The following FAM107B variants were observed in gnomAD, a reference collection of about 807,000 sequenced individuals.
FAM107B encodes protein FAM107B.
In FAM107B, 21 loss-of-function variants were observed where a neutral mutation model predicts 31.5. That is an observed-to-expected ratio of 0.67 (90% confidence interval 0.47 to 0.96). The LOEUF (loss-of-function observed/expected upper bound fraction) is 0.96, where lower values mean the gene tolerates loss of function less well. FAM107B is among the 40% of genes least tolerant of loss of function. FAM107B has a pLI of 0.00. For synonymous variants in FAM107B, 157 were observed against 141.5 expected, an observed-to-expected ratio of 1.11 and a Z score of -0.78; for missense variants, 452 against 377.1, an observed-to-expected ratio of 1.20 and a Z score of -1.64.
intron 1 of FAM107B, among the ~76,000 whole-genome samples, chr10:14,728,865 A>G (rs1401887052): frequency 1.3e-5 from 2 of 152,348 alleles, no homozygotes; most frequent in African/African-American, 4.8e-5. Flanking sequence ...CTTTAGATTC[A>G]GGCCTGATGG....
At chr10:14,616,222 A>G (rs1852846406) in intron 2 of FAM107B, among the ~76,000 whole-genome samples, 1 of 152,152 alleles carries the variant, frequency 6.6e-6, no homozygotes, top group African/African-American at 2.4e-5. Context: ...GGCATGTTGC[A>G]TGTTTGTTGG....
At chr10:14,657,673 TTC>T (rs1003262892) in intron 2 of FAM107B, among the ~76,000 whole-genome samples, 4 of 152,188 alleles carry the variant, frequency 2.6e-5, no homozygotes, top group Non-Finnish European at 5.9e-5. Context: ...TAGAAACATT[TTC>T]TCTTTGTTAA....
At chr10:14,633,559 T>G (rs1853421434) in intron 2 of FAM107B, among the ~76,000 whole-genome samples, 1 of 152,206 alleles carries the variant, frequency 6.6e-6, no homozygotes, top group South Asian at 2.1e-4. Flanking sequence ...ATATATTAAT[T>G]TATTGATGAA....
chr10:14,677,587 C>CCGCAG (rs1854719636), intron 1 of FAM107B, among the ~76,000 whole-genome samples: 1 of 152,024 alleles, frequency 6.6e-6, no homozygotes, highest in Non-Finnish European at 1.5e-5. Flanking sequence ...CGCCACTGCA[C>CCGCAG]TCCAGCCTGG....
chr10:14,533,789 C>T (rs1236335823), intron 2 of FAM107B, among the ~76,000 whole-genome samples: 1 of 152,160 alleles, frequency 6.6e-6, no homozygotes. Flanking sequence ...AGGAAACAGG[C>T]CCTAGCTTGG....
intron 1 of FAM107B, among the ~76,000 whole-genome samples, chr10:14,684,750 T>C (rs573514999): frequency 2.0e-5 from 3 of 152,344 alleles, no homozygotes; most frequent in African/African-American, 7.2e-5. Context: ...ACTTCAGATC[T>C]ACCTAGTACC....
At chr10:14,744,420 T>C (rs555396157) in intron 1 of FAM107B, among the ~76,000 whole-genome samples, 12 of 152,320 alleles carry the variant, frequency 7.9e-5, no homozygotes, top group Non-Finnish European at 1.8e-4. Context: ...ATCCTTGTCT[T>C]GGGCCAGTTT....
intron 2 of FAM107B, chr10:14,554,288 C>T: frequency 3.5e-6 from 1 of 286,940 alleles, no homozygotes; most frequent in Non-Finnish European, 5.2e-6. Flanking sequence ...AGAAACATGA[C>T]ACCCATCATG....
Position 14,520,955 on chromosome 10 carries a change from C to A in FAM107B, c.*235G>T. The A allele has an allele frequency of 2.2e-6, 1 of 453,736 alleles. No homozygotes were observed. The highest frequency in any genetic ancestry group is 3.9e-6 in the Non-Finnish European group (1 of 258,236). 28.1% of individuals were successfully genotyped at this position (453,736 alleles called of 1,614,324 possible). ...GTTGGTTCTGTTAAGTCTCTGAACA[C>A]AGGTCCATCATTCCAACTTACGTGC... On this transcript the variant is annotated 3_prime_UTR_variant, in exon 5 of 5. Transcript: ENST00000181796.
At chr10:14,750,831 AG>A (rs770901873) in intron 1 of FAM107B, among the ~76,000 whole-genome samples, 4 of 152,104 alleles carry the variant, frequency 2.6e-5, no homozygotes, top group African/African-American at 9.7e-5. Context: ...CTAGACGGGA[AG>A]GGGGCTCCAA....
intron 2 of FAM107B, among the ~76,000 whole-genome samples, chr10:14,546,963 T>C (rs568398252): frequency 1.3e-5 from 2 of 152,342 alleles, no homozygotes; most frequent in South Asian, 4.1e-4. Context: ...ACTCTAACTC[T>C]ACTTTAATCT....
chr10:14,767,488 T>C (rs1251129177), intron 1 of FAM107B, among the ~76,000 whole-genome samples: 1 of 152,044 alleles, frequency 6.6e-6, no homozygotes, highest in Admixed American at 6.6e-5. Context: ...GTGGGATTTG[T>C]TCCTGGAATA....
In FAM107B at chr10:14,774,543, T is replaced by G. The variant is rs766904007; in HGVS notation, c.121A>C (p.Asn41His). 8.7e-6 allele frequency: 14 copies of G among 1,614,070 alleles called. 1 individual carries two copies. The South Asian group carries it at 1.2e-4, about 14-fold the overall frequency. ...FGNTRESASF[N>H]QSGVADTHST... ...TGAGTATCAGCCACGCCGGACTGAT[T>G]GAAGGAAGCACTCTCCCTCGTATTC... is the stretch of plus-strand genomic sequence containing the variant. The change falls in exon 1 of 5, where the codon AAT becomes CAT. Residue 41 changes from asparagine to histidine, a missense_variant. Coordinates refer to ENST00000181796, the MANE Select transcript of FAM107B (RefSeq NM_031453.4).
At chr10:14,559,541 A>G (rs965678995) in intron 2 of FAM107B, among the ~76,000 whole-genome samples, 7 of 150,664 alleles carry the variant, frequency 4.6e-5, no homozygotes, top group Admixed American at 4.6e-4. Context: ...CAGTCCTATA[A>G]GCCCGCAGCT....
chr10:14,634,261 G>A (rs1418073849), intron 2 of FAM107B, among the ~76,000 whole-genome samples: 3 of 151,912 alleles, frequency 2.0e-5, no homozygotes, highest in Non-Finnish European at 2.9e-5. Flanking sequence ...TTAGCCAGGC[G>A]TGGTGGCGGG....
At chr10:14,595,812 G>A (rs1439903275) in intron 2 of FAM107B, among the ~76,000 whole-genome samples, 1 of 152,118 alleles carries the variant, frequency 6.6e-6, no homozygotes, top group East Asian at 1.9e-4. Flanking sequence ...AAAAGAGCAG[G>A]TGTCACCCAC....
At chr10:14,635,788 C>T (rs552837689) in intron 2 of FAM107B, among the ~76,000 whole-genome samples, 98 of 152,124 alleles carry the variant, frequency 6.4e-4, no homozygotes, top group Middle Eastern at 3.4e-3. Flanking sequence ...CCTAACACGA[C>T]GCCTGGCTAA....
intron 2 of FAM107B, among the ~76,000 whole-genome samples, chr10:14,637,165 G>A (rs10508479): frequency 2.0e-5 from 3 of 152,010 alleles, no homozygotes; most frequent in African/African-American, 7.2e-5. Flanking sequence ...ATTCCTCAAG[G>A]TCTCGGCTTC....
At chr10:14,535,282 C>G (rs1229333741) in intron 2 of FAM107B, among the ~76,000 whole-genome samples, 1 of 152,060 alleles carries the variant, frequency 6.6e-6, no homozygotes, top group Non-Finnish European at 1.5e-5. Context: ...TCCCTGACCC[C>G]CAGCTCTCCT....
Sources: gnomAD v4.1 joint callset for allele counts (sites outside exome capture counted in the v4.1 genomes callset) on GRCh38, gnomAD v4.1.1 for gene constraint, MANE v1.5 for transcripts, NCBI Gene and HGNC (gene_info 2026-07-23, HGNC 2026-07-21) for gene names.